Variants in RFC3 observed in about 807,000 individuals in gnomAD.
RFC3 encodes A1 38 kDa subunit.
Under a neutral mutation model 45.1 loss-of-function variants are expected in RFC3, and 41 were observed. That is an observed-to-expected ratio of 0.91 (90% CI 0.71 to 1.18). RFC3 has a LOEUF of 1.18. Ranked by LOEUF, RFC3 falls within the 50% of genes most tolerant of loss-of-function variation. RFC3 has a pLI of 0.00. For synonymous variants in RFC3, 149 were observed against 144.0 expected (o/e 1.03, Z -0.25); for missense variants, 423 against 428.1 (o/e 0.99, Z 0.10).
intron 8 of RFC3, among the ~76,000 whole-genome samples, chr13:33,956,501 A>C (rs1261879073): frequency 6.6e-6 from 1 of 152,232 alleles, no homozygotes; most frequent in Non-Finnish European, 1.5e-5. Context: ...AACTAGAAAC[A>C]TATGCTACAG....
At chr13:33,829,768 G>T in intron 4 of RFC3, 68 bp from the exon 5 acceptor site, 1 of 1,204,030 alleles carries the variant, frequency 8.3e-7, no homozygotes, top group Non-Finnish European at 1.2e-6. Context: ...TAATGAGAAG[G>T]AAGAAAGAGA....
At chr13:33,917,210 T>G (rs1333678140) in intron 8 of RFC3, among the ~76,000 whole-genome samples, 1 of 152,222 alleles carries the variant, frequency 6.6e-6, no homozygotes, top group East Asian at 1.9e-4. Context: ...GCCCCCTCAT[T>G]TCACAGAATA....
chr13:33,900,949 A>G (rs1264089151), intron 8 of RFC3, among the ~76,000 whole-genome samples: 2 of 151,970 alleles, frequency 1.3e-5, no homozygotes, highest in Non-Finnish European at 2.9e-5. Context: ...AAAAATGCTC[A>G]ACATCACTAA....
At chr13:33,958,495 A>G (rs893892549) in intron 8 of RFC3, among the ~76,000 whole-genome samples, 4 of 152,264 alleles carry the variant, frequency 2.6e-5, no homozygotes, top group Non-Finnish European at 5.9e-5. Context: ...TGTTTGTACC[A>G]GATCAAACTG....
At chr13:33,900,543 A>T (rs888000441) in intron 8 of RFC3, among the ~76,000 whole-genome samples, 2 of 150,816 alleles carry the variant, frequency 1.3e-5, no homozygotes, top group Admixed American at 1.3e-4. Flanking sequence ...ACGTATTAAG[A>T]CCTGTATTAA....
chr13:33,913,686 T>C (rs753421290), intron 8 of RFC3, among the ~76,000 whole-genome samples: 16 of 152,092 alleles, frequency 1.1e-4, no homozygotes, highest in Admixed American at 2.6e-4. Flanking sequence ...TTAAGTGAAA[T>C]ATCGTATATG....
intron 8 of RFC3, chr13:33,847,784 C>G (rs2082248946): frequency 6.6e-6 from 1 of 152,206 alleles, no homozygotes; most frequent in Non-Finnish European, 1.5e-5. Flanking sequence ...GCATCTCCAT[C>G]CAGTGAATTC....
intron 8 of RFC3, among the ~76,000 whole-genome samples, chr13:33,938,528 A>G (rs1046968353): frequency 2.0e-5 from 3 of 151,962 alleles, no homozygotes; most frequent in African/African-American, 7.2e-5. Context: ...AAATCCATTT[A>G]TTTGGTCTGT....
chr13:33,843,357 C>T (rs1200323888), intron 8 of RFC3, among the ~76,000 whole-genome samples: 1 of 152,194 alleles, frequency 6.6e-6, no homozygotes, highest in Non-Finnish European at 1.5e-5. Flanking sequence ...AACCTCAGCT[C>T]CTATCTAAAT....
At chr13:33,972,070 C>A in the RFC3 span, among the ~76,000 whole-genome samples, 1 of 152,164 alleles carries the variant, frequency 6.6e-6, no homozygotes, top group Admixed American at 6.5e-5. Context: ...GAGCCGAGAT[C>A]GCACCACGGC....
chr13:33,819,928 AT>A (rs1377935961), intron 1 of RFC3, among the ~76,000 whole-genome samples: 8 of 152,316 alleles, frequency 5.3e-5, no homozygotes, highest in Non-Finnish European at 1.5e-5. Context: ...GACACTTGCC[AT>A]TTTCCAGGCA....
chr13:33,853,121 A>G (rs2082286543), intron 8 of RFC3, among the ~76,000 whole-genome samples: 2 of 152,206 alleles, frequency 1.3e-5, no homozygotes, highest in Non-Finnish European at 2.9e-5. Context: ...TGGGTATTCC[A>G]GATTCAAGAG....
Position 33,831,275 on chromosome 13 carries a change from C to G in RFC3, c.730C>G (p.Gln244Glu). 6.2e-7 allele frequency: 1 copy of G among 1,605,034 alleles called. No individual in the cohort carries two copies. Among genetic ancestry groups the G allele is most frequent in the Non-Finnish European group, 8.5e-7 (1 of 1,171,816 alleles). ...RVQQYPFTAD[Q>E]EIPETDWEVY... is the part of the protein sequence containing the mutation. Reference sequence around the variant, plus strand: ...ATGTAGATATCCTTTTACTGCAGATCAAGAAATCCCTGAGACAGATTGGGA... The same window carrying G: ...ATGTAGATATCCTTTTACTGCAGATGAAGAAATCCCTGAGACAGATTGGGA... Residue 244 changes from glutamine (Q) to glutamate (E), a missense_variant, in exon 7 of 9, where the codon CAA becomes GAA. Gln to Glu is a conservative substitution (Grantham distance 29, BLOSUM62 2). Transcript: ENST00000380071.
the RFC3 span, among the ~76,000 whole-genome samples, chr13:33,972,785 G>A: frequency 9.2e-5 from 14 of 152,202 alleles, no homozygotes; most frequent in Middle Eastern, 6.8e-3. Flanking sequence ...TTTATCTCCA[G>A]CATCTATCAC....
At chr13:33,835,433 G>A (rs941444233) in intron 8 of RFC3, 2 of 705,490 alleles carry the variant, frequency 2.8e-6, no homozygotes, top group African/African-American at 1.7e-5. Flanking sequence ...ATATTCTAGT[G>A]GTGTGAAAAG....
chr13:33,894,284 C>T (rs1566019451), intron 8 of RFC3, among the ~76,000 whole-genome samples: 1 of 152,092 alleles, frequency 6.6e-6, no homozygotes, highest in South Asian at 2.1e-4. Context: ...AGTACTGGAG[C>T]TGATTTAGTG....
At chr13:33,948,264 A>G (rs2082966697) in intron 8 of RFC3, among the ~76,000 whole-genome samples, 1 of 152,182 alleles carries the variant, frequency 6.6e-6, no homozygotes, top group Admixed American at 6.5e-5. Flanking sequence ...CCATTGCTTC[A>G]GAGGGTTCAA....
At chr13:33,973,655 C>CTTCT in the RFC3 span, among the ~76,000 whole-genome samples, 54 of 134,890 alleles carry the variant, frequency 4.0e-4, no homozygotes, top group African/African-American at 1.4e-3. Context: ...TCTTCTTCTT[C>CTTCT]TTTTTTTTTT....
chr13:33,949,853 C>A (rs1294846496), intron 8 of RFC3, among the ~76,000 whole-genome samples: 1 of 152,116 alleles, frequency 6.6e-6, no homozygotes, highest in Non-Finnish European at 1.5e-5. Context: ...GAGAGAATTT[C>A]TCTTACCTGA....
Sources: gnomAD v4.1 joint callset for allele counts (sites outside exome capture counted in the v4.1 genomes callset) on GRCh38, gnomAD v4.1.1 for gene constraint, MANE v1.5 for transcripts, NCBI Gene and HGNC (gene_info 2026-07-23, HGNC 2026-07-21) for gene names.